Variants in HIVEP1 observed in about 807,000 individuals in gnomAD.
HIVEP1 encodes zinc finger protein 40.
HIVEP1 carries 36 observed loss-of-function variants against 180.0 expected under a neutral mutation model. The ratio of observed to expected loss-of-function variants is 0.20; its 90% CI spans 0.15 to 0.26. The LOEUF is 0.26. Among genes scored for constraint, HIVEP1 ranks in the 10% least tolerant of loss-of-function variants. The probability of loss-of-function intolerance (pLI) is 1.00; values close to 1 mark genes in which losing one functional copy is unlikely to be tolerated. For synonymous variants in HIVEP1, 1,239 were observed against 1,239.0 expected (o/e 1.00, Z 0.00); for missense variants, 3,143 against 3,268.7 (o/e 0.96, Z 0.94).
intron 7 of HIVEP1, among the ~76,000 whole-genome samples, chr6:12,154,452 A>C (rs1245490141): frequency 6.6e-6 from 1 of 152,240 alleles, no homozygotes; most frequent in Non-Finnish European, 1.5e-5. Context: ...ATGCAGCTGC[A>C]GTCAGAGCCG....
chr6:12,173,840 G>A, the HIVEP1 span, among the ~76,000 whole-genome samples: 6 of 152,108 alleles, frequency 3.9e-5, no homozygotes, highest in African/African-American at 1.4e-4. Flanking sequence ...AGACATCAGG[G>A]CTTTACATTC....
chr6:12,165,128 C>G (rs1417265377), downstream of HIVEP1: 7 of 515,716 alleles, frequency 1.4e-5, no homozygotes, highest in Middle Eastern at 1.3e-3. Flanking sequence ...AGAGACTTTA[C>G]TCGCCTTTCT....
Position 12,017,546 on chromosome 6 carries a change from C to G in HIVEP1, c.40+1878C>G, listed in dbSNP as rs903208386. On this transcript the variant is annotated intron_variant, in intron 2 of 8. Transcript: ENST00000379388. ...GGACCCAAGCAGTTGCAACTGCTGC[C>G]TCCGGCAGCCTGCTTTTATTCTCCC... 1.1e-4 allele frequency among the ~76,000 whole-genome samples: 16 copies of G among 152,212 alleles called. 1 individual carries two copies. The highest frequency in any genetic ancestry group is 3.6e-4 in the African/African-American group (15 of 41,464).
intron 7 of HIVEP1, among the ~76,000 whole-genome samples, chr6:12,141,100 T>C (rs981748568): frequency 1.3e-5 from 2 of 151,940 alleles, no homozygotes; most frequent in Non-Finnish European, 2.9e-5. Context: ...AAGGGAAAAA[T>C]GTTAAGGACA....
At chr6:12,016,519 T>A (rs1356196210) in intron 2 of HIVEP1, among the ~76,000 whole-genome samples, 2 of 152,210 alleles carry the variant, frequency 1.3e-5, no homozygotes, top group Non-Finnish European at 2.9e-5. Flanking sequence ...TCAAATAAAT[T>A]AATTTGAAAT....
Position 12,124,864 on chromosome 6 carries a change from A to G in HIVEP1, c.5069A>G (p.Gln1690Arg), listed in dbSNP as rs893399588. ...SEEQNSVPTLQKGHQNALPNP... is the reference protein window; with the variant it reads ...SEEQNSVPTLRKGHQNALPNP... Reference sequence around the variant, plus strand: ...GAACAAAATTCTGTGCCAACATTACAAAAAGGTCATCAGAATGCTTTGCCA... The same window carrying G: ...GAACAAAATTCTGTGCCAACATTACGAAAAGGTCATCAGAATGCTTTGCCA... Residue 1690 changes from glutamine to arginine, a missense_variant, in exon 4 of 9, where the codon CAA becomes CGA. Physicochemically the swap from Gln to Arg is conservative, Grantham distance 43. Coordinates refer to ENST00000379388, the MANE Select transcript of HIVEP1 (RefSeq NM_002114.4). 5.0e-6 allele frequency: 8 copies of G among 1,614,094 alleles called. No individual in the cohort carries two copies. Among genetic ancestry groups the G allele is most frequent in the Non-Finnish European group, 6.8e-6 (8 of 1,180,024 alleles).
chr6:12,167,871 CACATGT>C (rs1444872731), downstream of HIVEP1, among the ~76,000 whole-genome samples: 1 of 142,222 alleles, frequency 7.0e-6, no homozygotes, highest in Non-Finnish European at 1.5e-5. Flanking sequence ...ATAATATATA[CACATGT>C]ACATGTATAG....
chr6:12,020,126 C>T (rs1217289976), intron 2 of HIVEP1: 4 of 285,262 alleles, frequency 1.4e-5, no homozygotes, highest in Admixed American at 8.5e-5. Context: ...AGACAGTGTC[C>T]GACTTGATGG....
rs1757982448 is a variant in HIVEP1 at position 12,125,181 on chromosome 6, C to G, written c.5386C>G (p.Pro1796Ala). The change falls in exon 4 of 9, where the codon CCT (proline) becomes GCT (alanine). Residue 1796 changes from proline to alanine, a missense_variant. Pro to Ala is a conservative substitution (Grantham distance 27). This residue lies in a region of HIVEP1 where 1,357 missense variants were observed against 1,260.5 expected (regional missense o/e 1.08). Transcript: ENST00000379388. ...TAATGAAGCTAGTAAACAGAAGAAG[C>G]CTATTTTAGTGAGACAGGTTTGTAC... ...RVNEASKQKK[P>A]ILVRQVCTTE... 1 of 1,614,060 alleles carries G rather than the reference C, an allele frequency of 6.2e-7. No individual in the cohort carries two copies. Among genetic ancestry groups the G allele is most frequent in the Non-Finnish European group, 8.5e-7 (1 of 1,179,984 alleles).
chr6:12,081,888 C>T (rs1288396784), intron 2 of HIVEP1, among the ~76,000 whole-genome samples: 1 of 152,124 alleles, frequency 6.6e-6, no homozygotes, highest in Non-Finnish European at 1.5e-5. Context: ...TCCCTCCAGG[C>T]TTCCCCATAC....
chr6:12,160,419 C>T (rs1287227053), intron 7 of HIVEP1, among the ~76,000 whole-genome samples: 2 of 152,214 alleles, frequency 1.3e-5, no homozygotes, highest in African/African-American at 4.8e-5. Context: ...AATAAGAAGG[C>T]TTACACATTA....
In HIVEP1 at chr6:12,124,942, ATTC is replaced by A. The variant is rs1271193981; in HGVS notation, c.5152_5154del (p.Ser1718del). 18 of 1,614,054 alleles carry A rather than the reference ATTC, an allele frequency of 1.1e-5. No homozygotes were observed. Among genetic ancestry groups the A allele is most frequent in the East Asian group, 2.2e-5 (1 of 44,892 alleles). ...AATGTTTTTTCAGAGATGAGCCAAA[ATTC>A]TTCTCTATCAGAATCCTTGCCCATA... On this transcript the variant is annotated inframe_deletion, in exon 4 of 9. Transcript: ENST00000379388.
At position 12,163,471 on chromosome 6, in the gene HIVEP1, G is replaced by T; in HGVS notation, c.7167G>T (p.Gln2389His). The change falls in exon 9 of 9, where the codon CAG becomes CAT. Residue 2389 changes from glutamine to histidine, a missense_variant. Coordinates refer to ENST00000379388, the MANE Select transcript of HIVEP1 (RefSeq NM_002114.4). ...TTAGCCACCTTCCTTTGCATTCCCAGCAGCAATCGAGGACACCTTATAATA... is the reference window on the plus strand; with the variant it reads ...TTAGCCACCTTCCTTTGCATTCCCATCAGCAATCGAGGACACCTTATAATA... Reference protein sequence around the residue: ...HLFSHLPLHSQQQSRTPYNMV... With the variant: ...HLFSHLPLHSHQQSRTPYNMV... 6.2e-7 allele frequency: 1 copy of T among 1,614,166 alleles called. No individual in the cohort carries two copies. The highest frequency in any genetic ancestry group is 8.5e-7 in the Non-Finnish European group (1 of 1,180,032).
At chr6:12,024,994 T>C (rs572401108) in intron 2 of HIVEP1, among the ~76,000 whole-genome samples, 2 of 152,352 alleles carry the variant, frequency 1.3e-5, no homozygotes, top group African/African-American at 4.8e-5. Context: ...TTTCCACAGG[T>C]CTCTACTAGG....
rs751023316 is a variant in HIVEP1, at chr6:12,123,698, T to C, written c.3903T>C (p.Thr1301=). 1 of 1,613,872 alleles carries C rather than the reference T, an allele frequency of 6.2e-7. No individual in the cohort carries two copies. Among genetic ancestry groups the C allele is most frequent in the Admixed American group, 1.7e-5 (1 of 59,948 alleles). The stretch of plus-strand genomic sequence containing the variant: ...CAACAGAATCGAGCTTTGATTCCAC[T>C]CTCTCCAGGAGTCTAAGTAGGGAGA... The part of the protein sequence containing the change: ...HSSTESSFDS[T]LSRSLSRESS... The change falls in exon 4 of 9, where the codon ACT becomes ACC. Residue 1301 remains threonine (T), a synonymous_variant. Coordinates refer to ENST00000379388, the MANE Select transcript of HIVEP1 (RefSeq NM_002114.4).
chr6:12,204,288 G>A, the HIVEP1 span, among the ~76,000 whole-genome samples: 1 of 152,240 alleles, frequency 6.6e-6, no homozygotes, highest in East Asian at 1.9e-4. Context: ...CTTGGGCTCA[G>A]CCCAGTTTTT....
At chr6:12,158,230 C>T (rs867377256) in intron 7 of HIVEP1, among the ~76,000 whole-genome samples, 1 of 152,014 alleles carries the variant, frequency 6.6e-6, no homozygotes. Flanking sequence ...TTGTTTGTAT[C>T]CTAGAAATGT....
intron 2 of HIVEP1, among the ~76,000 whole-genome samples, chr6:12,025,273 G>C (rs1026463388): frequency 6.6e-6 from 1 of 152,174 alleles, no homozygotes; most frequent in African/African-American, 2.4e-5. Context: ...ATAGCACACA[G>C]AGCTGAGGTT....
chr6:12,167,547 AATATATGT>A (rs1167887881), downstream of HIVEP1, among the ~76,000 whole-genome samples: 1 of 30,286 alleles, frequency 3.3e-5, no homozygotes, highest in East Asian at 8.8e-4. Flanking sequence ...GTATATATAT[AATATATGT>A]ATATATTACA....
Sources: gnomAD v4.1 joint callset for allele counts (sites outside exome capture counted in the v4.1 genomes callset) on GRCh38, gnomAD v4.1.1 for gene constraint, gnomAD v4.1.1 regional missense constraint, MANE v1.5 for transcripts, NCBI Gene and HGNC (gene_info 2026-07-23, HGNC 2026-07-21) for gene names.